The following NRXN2 variants were observed in gnomAD, a reference collection of about 807,000 sequenced individuals.
The protein encoded by NRXN2 is neurexin 2.
A neutral mutation model predicts 128.8 loss-of-function variants in NRXN2; 29 were observed. The observed-to-expected ratio is 0.23, with a 90% CI of 0.17 to 0.31. The LOEUF (loss-of-function observed/expected upper bound fraction) is 0.31, where lower values mean the gene tolerates loss of function less well. Among genes scored for constraint, NRXN2 ranks in the 10% least tolerant of loss-of-function variants. The probability of loss-of-function intolerance (pLI) is 1.00; values close to 1 mark genes in which losing one functional copy is unlikely to be tolerated. For synonymous variants in NRXN2, 1,098 were observed against 1,075.2 expected, an observed-to-expected ratio of 1.02 and a Z score of -0.41; for missense variants, 1,881 against 2,452.6, an observed-to-expected ratio of 0.77 and a Z score of 4.92.
chr11:64,688,260 G>A, intron 5 of NRXN2: 2 of 983,908 alleles, frequency 2.0e-6, no homozygotes, highest in Non-Finnish European at 2.4e-6. Context: ...CTACTCTGGA[G>A]CCTGCGCCTC....
At position 64,626,556 on chromosome 11, in the gene NRXN2, G is replaced by A. The variant is rs1352838791; in HGVS notation, c.3758-4C>T. ...AGGCGCTCGTTATCAAAGTTTCCTTGGAAAAGTTTAGAAAGACAGTAGGTT... is the reference window on the plus strand; with the variant it reads ...AGGCGCTCGTTATCAAAGTTTCCTTAGAAAAGTTTAGAAAGACAGTAGGTT... On this transcript the variant is annotated splice_polypyrimidine_tract_variant and splice_region_variant and intron_variant, in intron 19 of 22. Coordinates refer to ENST00000265459, the MANE Select transcript of NRXN2 (RefSeq NM_015080.4). 1 of 1,613,032 alleles carries A rather than the reference G, an allele frequency of 6.2e-7. No individual in the cohort carries two copies. The highest frequency in any genetic ancestry group is 8.5e-7 in the Non-Finnish European group (1 of 1,179,130).
chr11:64,627,639 GGAATGTGTGT>G (rs1162187692), intron 19 of NRXN2, among the ~76,000 whole-genome samples: 1 of 152,208 alleles, frequency 6.6e-6, no homozygotes, highest in East Asian at 1.9e-4. Flanking sequence ...ACTGGGAAAG[GGAATGTGTGT>G]GAATGTGTGT....
intron 3 of NRXN2, among the ~76,000 whole-genome samples, chr11:64,693,623 T>G (rs537915087): frequency 6.6e-6 from 1 of 152,298 alleles, no homozygotes; most frequent in East Asian, 1.9e-4. Flanking sequence ...TCCTCCCAGC[T>G]ACCCTTCCCA....
At chr11:64,695,309 G>C (rs1356821253) in intron 3 of NRXN2, among the ~76,000 whole-genome samples, 1 of 152,116 alleles carries the variant, frequency 6.6e-6, no homozygotes, top group African/African-American at 2.4e-5. Context: ...ACTTTATCTG[G>C]CTACTTCTGG....
chr11:64,633,480 C>G (rs1438831028), intron 18 of NRXN2, among the ~76,000 whole-genome samples: 1 of 152,158 alleles, frequency 6.6e-6, no homozygotes, highest in Non-Finnish European at 1.5e-5. Context: ...AAGGAAGTGG[C>G]AAAGTTGGGA....
intron 22 of NRXN2, among the ~76,000 whole-genome samples, chr11:64,611,536 G>A (rs1365220162): frequency 6.6e-6 from 1 of 152,228 alleles, no homozygotes; most frequent in Non-Finnish European, 1.5e-5. Context: ...GCTGATCAGG[G>A]CACAGAGCTT....
intron 17 of NRXN2, among the ~76,000 whole-genome samples, chr11:64,636,691 G>A (rs1348083973): frequency 1.3e-5 from 2 of 151,982 alleles, no homozygotes. Context: ...GGGAGAAAAT[G>A]TCAGTCTGGG....
intron 17 of NRXN2, chr11:64,642,816 G>A: frequency 1.1e-5 from 12 of 1,123,814 alleles, no homozygotes; most frequent in Non-Finnish European, 1.3e-5. Flanking sequence ...CGGCCCGGGG[G>A]CGACCGCCTC....
intron 3 of NRXN2, among the ~76,000 whole-genome samples, chr11:64,696,528 TACACACACAC>T (rs58158687): frequency 4.0e-4 from 56 of 138,864 alleles, no homozygotes; most frequent in East Asian, 2.5e-3. Flanking sequence ...CATACATACA[TACACACACAC>T]ACACACACAC....
intron 19 of NRXN2, among the ~76,000 whole-genome samples, chr11:64,628,138 G>T (rs1055214779): frequency 6.6e-6 from 1 of 152,196 alleles, no homozygotes; most frequent in Non-Finnish European, 1.5e-5. Context: ...TCTAATAAAA[G>T]TCCTATTTAT....
chr11:64,702,901 A>ATCATT (rs1565454420), intron 2 of NRXN2, among the ~76,000 whole-genome samples: 1 of 148,968 alleles, frequency 6.7e-6, no homozygotes, highest in African/African-American at 2.5e-5. Context: ...GAAATAGAGG[A>ATCATT]TCATTTGAGC....
intron 7 of NRXN2, among the ~76,000 whole-genome samples, chr11:64,669,272 T>C (rs1450474674): frequency 6.6e-6 from 1 of 152,220 alleles, no homozygotes; most frequent in East Asian, 1.9e-4. Context: ...TTTGCACTTC[T>C]AGCCCTTTCC....
intron 1 of NRXN2, among the ~76,000 whole-genome samples, chr11:64,719,828 G>T (rs1304312994): frequency 6.6e-6 from 1 of 152,172 alleles, no homozygotes; most frequent in African/African-American, 2.4e-5. Flanking sequence ...GAGGTGCCTG[G>T]GAATGTTCCT....
At chr11:64,704,255 C>G (rs1437025106) in intron 2 of NRXN2, among the ~76,000 whole-genome samples, 1 of 152,120 alleles carries the variant, frequency 6.6e-6, no homozygotes, top group Non-Finnish European at 1.5e-5. Flanking sequence ...TCTTGCCTAA[C>G]ATGTCAGGAT....
intron 6 of NRXN2, among the ~76,000 whole-genome samples, chr11:64,678,280 C>T (rs1256066631): frequency 6.6e-6 from 1 of 152,034 alleles, no homozygotes; most frequent in South Asian, 2.1e-4. Context: ...ACTCCTCCCA[C>T]GTGTCCACCT....
rs1391280684 is a variant in NRXN2 at position 64,660,617 on chromosome 11, G to A, written c.2186-82C>T. On this transcript the variant is annotated intron_variant, in intron 10 of 22. Transcript: ENST00000265459. This position sits in a 1 kb window ranked among gnomAD's most constrained non-coding sequence, Gnocchi z 5.2. ...GAGAAGACCAGAGAATCATTACAAG[G>A]GCGAAAAGCCTAGGGCAGGTCTATG... The A allele has an allele frequency of 1.3e-6, 2 of 1,591,176 alleles. No individual in the cohort carries two copies. Among genetic ancestry groups the A allele is most frequent in the South Asian group, 1.1e-5 (1 of 90,526 alleles).
Position 64,651,758 on chromosome 11 carries a change from C to T in NRXN2, c.2537-122G>A, listed in dbSNP as rs2047486442. On this transcript the variant is annotated intron_variant, in intron 13 of 22. Coordinates refer to ENST00000265459, the MANE Select transcript of NRXN2 (RefSeq NM_015080.4). This position sits in a 1 kb window ranked among gnomAD's most constrained non-coding sequence, Gnocchi z 5.9. ...TGAGTGACATCTTTAGAGATGTCCT[C>T]GGCTAGGCACTAGCAGCCAGCACAG... 8 of 1,138,740 alleles carry T rather than the reference C, an allele frequency of 7.0e-6. No homozygotes were observed. Among genetic ancestry groups the T allele is most frequent in the East Asian group, 5.0e-5 (2 of 40,270 alleles). The allele number at this position is 1,138,740 out of a possible 1,614,324, so 70.5% of individuals were successfully genotyped here.
chr11:64,613,674 G>A (rs927471408), intron 22 of NRXN2, among the ~76,000 whole-genome samples: 1 of 152,362 alleles, frequency 6.6e-6, no homozygotes, highest in African/African-American at 2.4e-5. Flanking sequence ...CAGGTAGGGT[G>A]CACCTGAGTG....
rs2043295070 is a variant in NRXN2, at chr11:64,627,832, T to C, written c.3758-1280A>G. ...CACTGACATACTATTCAGTGCACGC[T>C]GGTGGGGCCAGGAGGCTTTTCCTCT... On this transcript the variant is annotated intron_variant, in intron 19 of 22. Transcript: ENST00000265459. Among the ~76,000 whole-genome samples, 4 of 152,178 alleles carry C rather than the reference T, an allele frequency of 2.6e-5. No individual in the cohort carries two copies. In the South Asian group the frequency reaches 8.3e-4, roughly 31 times the overall value.
Sources: gnomAD v4.1 joint callset for allele counts (sites outside exome capture counted in the v4.1 genomes callset) on GRCh38, gnomAD v4.1.1 for gene constraint, Gnocchi (gnomAD v3.1) non-coding constraint, MANE v1.5 for transcripts, NCBI Gene and HGNC (gene_info 2026-07-23, HGNC 2026-07-21) for gene names.